The following TBC1D1 variants were observed in gnomAD, a reference collection of about 807,000 sequenced individuals.
TBC1D1 encodes TBC1 (tre-2/USP6, BUB2, cdc16) domain family, member 1.
TBC1D1 carries 89 observed loss-of-function variants against 125.6 expected under a neutral mutation model. The ratio of observed to expected loss-of-function variants is 0.71; its 90% CI spans 0.60 to 0.85. The LOEUF (loss-of-function observed/expected upper bound fraction) is 0.85, where lower values mean the gene tolerates loss of function less well. Ranked by LOEUF, TBC1D1 falls within the 40% of genes least tolerant of loss-of-function variation. TBC1D1 has a pLI of 0.00. For synonymous variants in TBC1D1, 565 were observed against 564.1 expected (o/e 1.00, Z -0.02); for missense variants, 1,377 against 1,469.2 (o/e 0.94, Z 1.03).
Position 38,095,988 on chromosome 4 carries a change from TG to T in TBC1D1, c.2297del (p.Cys766PhefsTer5). ...GCTCGATTATGAAGAAATTACTCCC[TG>T]TCTTAAAGAAGTAACTACAGTGTGG... On this transcript the variant is annotated frameshift_variant, in exon 14 of 20. Coordinates refer to ENST00000261439, the MANE Select transcript of TBC1D1 (RefSeq NM_015173.4). LOFTEE classifies it high-confidence loss of function. The T allele has an allele frequency of 6.2e-7, 1 of 1,614,072 alleles. No homozygotes were observed. The highest frequency in any genetic ancestry group is 8.5e-7 in the Non-Finnish European group (1 of 1,179,962).
chr4:38,055,812 A>G (rs575876322), intron 12 of TBC1D1, among the ~76,000 whole-genome samples: 2 of 152,258 alleles, frequency 1.3e-5, no homozygotes, highest in South Asian at 4.1e-4. Flanking sequence ...CAGGTCCTGT[A>G]GCACCCTGTT....
intron 12 of TBC1D1, among the ~76,000 whole-genome samples, chr4:38,064,838 T>A (rs1056900519): frequency 6.6e-6 from 1 of 151,932 alleles, no homozygotes; most frequent in Non-Finnish European, 1.5e-5. Context: ...TTGACCAGGA[T>A]GGTCTTCATC....
chr4:38,065,791 G>A (rs1359369259), intron 12 of TBC1D1, among the ~76,000 whole-genome samples: 5 of 152,012 alleles, frequency 3.3e-5, no homozygotes, highest in Admixed American at 1.3e-4. Context: ...GATTACAGGC[G>A]CCTGCCACCA....
In TBC1D1 at chr4:37,902,249, A is replaced by C. The variant is rs1489222747; in HGVS notation, c.154A>C (p.Arg52=). ...TGTGGCTGAGGTGCGAAGACTCAGC[A>C]GGCAGTCCACCAGAAAGGAACCTGT... The change falls in exon 2 of 20, where the codon AGG becomes CGG. Residue 52 remains arginine, a synonymous_variant. Coordinates refer to ENST00000261439, the MANE Select transcript of TBC1D1 (RefSeq NM_015173.4). 2 of 1,614,132 alleles carry C rather than the reference A, an allele frequency of 1.2e-6. No homozygotes were observed. Among genetic ancestry groups the C allele is most frequent in the Non-Finnish European group, 1.7e-6 (2 of 1,180,020 alleles).
chr4:38,081,145 C>T (rs959959817), intron 12 of TBC1D1, among the ~76,000 whole-genome samples: 1 of 152,138 alleles, frequency 6.6e-6, no homozygotes, highest in Non-Finnish European at 1.5e-5. Context: ...ACCTCTTTGA[C>T]TTCTCTCCTT....
At position 38,086,920 on chromosome 4, in the gene TBC1D1, C is replaced by CT. The variant is rs146867362; in HGVS notation, c.2051-3004dup. 3.8e-3 allele frequency among the ~76,000 whole-genome samples: 574 copies of CT among 152,098 alleles called. 18 individuals carry two copies. The East Asian group carries it at 0.062, about 17-fold the overall frequency. On this transcript the variant is annotated intron_variant, in intron 12 of 19. Transcript: ENST00000261439. ...TTAGAGAAGCACGGGGTAAACTCTTCTTTTTTTTACTTTGGAGGAAAATAC... is the reference window on the plus strand; with the variant it reads ...TTAGAGAAGCACGGGGTAAACTCTTCTTTTTTTTTACTTTGGAGGAAAATAC...
intron 12 of TBC1D1, among the ~76,000 whole-genome samples, chr4:38,076,450 G>A (rs541953956): frequency 6.6e-6 from 1 of 152,248 alleles, no homozygotes; most frequent in East Asian, 1.9e-4. Context: ...CTTTATGTGA[G>A]ACTGGGGTCA....
chr4:37,966,750 C>T (rs1328396773), intron 2 of TBC1D1, among the ~76,000 whole-genome samples: 4 of 152,180 alleles, frequency 2.6e-5, no homozygotes, highest in Non-Finnish European at 4.4e-5. Context: ...TCTCCTAATG[C>T]TATCCCTCCT....
chr4:38,017,456 A>C (rs2152431399), intron 3 of TBC1D1, among the ~76,000 whole-genome samples: 1 of 152,360 alleles, frequency 6.6e-6, no homozygotes, highest in East Asian at 1.9e-4. Flanking sequence ...CAGAAACAGT[A>C]AGTGTGCAAA....
At chr4:37,919,909 G>C (rs1405948755) in intron 2 of TBC1D1, among the ~76,000 whole-genome samples, 2 of 152,086 alleles carry the variant, frequency 1.3e-5, no homozygotes, top group Non-Finnish European at 2.9e-5. Flanking sequence ...TCAGGAGATC[G>C]AGACCATCCT....
At chr4:38,010,760 CTCTCAGCCTTCA>C (rs1196623453) in intron 2 of TBC1D1, among the ~76,000 whole-genome samples, 1 of 152,154 alleles carries the variant, frequency 6.6e-6, no homozygotes, top group Non-Finnish European at 1.5e-5. Flanking sequence ...CTCAGCCTTC[CTCTCAGCCTTCA>C]GTGCTTAGTT....
intron 8 of TBC1D1, among the ~76,000 whole-genome samples, 167 bp from the exon 9 acceptor site, chr4:38,044,195 T>G (rs1339156486): frequency 6.6e-6 from 1 of 152,228 alleles, no homozygotes; most frequent in Non-Finnish European, 1.5e-5. Flanking sequence ...TGAGGCAAAA[T>G]TATTTCCTGG....
intron 2 of TBC1D1, among the ~76,000 whole-genome samples, chr4:37,939,123 C>T (rs1411463788): frequency 1.3e-5 from 2 of 152,212 alleles, no homozygotes; most frequent in Non-Finnish European, 2.9e-5. Flanking sequence ...AATGGTTGAA[C>T]TAGTTTACAG....
At chr4:38,049,355 G>A (rs139541051) in intron 10 of TBC1D1, among the ~76,000 whole-genome samples, 1 of 152,288 alleles carries the variant, frequency 6.6e-6, no homozygotes, top group African/African-American at 2.4e-5. Context: ...TGTTCAGAAC[G>A]TTACAGATTG....
intron 15 of TBC1D1, among the ~76,000 whole-genome samples, chr4:38,104,044 CAG>C (rs1379322520): frequency 6.6e-6 from 1 of 150,986 alleles, no homozygotes; most frequent in Non-Finnish European, 1.5e-5. Context: ...CCTATAGTCC[CAG>C]CTACGCAGGA....
chr4:38,035,544 T>A, intron 7 of TBC1D1, 44 bp from the exon 8 acceptor site: 1 of 1,515,812 alleles, frequency 6.6e-7, no homozygotes, highest in South Asian at 1.1e-5. Context: ...AGCAATATTG[T>A]TGACGATTAA....
intron 2 of TBC1D1, among the ~76,000 whole-genome samples, chr4:37,914,220 C>T (rs548500180): frequency 5.9e-5 from 9 of 152,262 alleles, no homozygotes; most frequent in African/African-American, 1.4e-4. Flanking sequence ...TCAGACTCTT[C>T]GAAGAGCTCC....
intron 2 of TBC1D1, among the ~76,000 whole-genome samples, chr4:37,979,666 C>G (rs1351312599): frequency 6.6e-6 from 1 of 152,228 alleles, no homozygotes; most frequent in African/African-American, 2.4e-5. Context: ...ACGCAGCTGA[C>G]TTTCCTTTTC....
rs1326577228 is a variant in TBC1D1 at position 38,054,288 on chromosome 4, TC to T, written c.2002del (p.Arg668GlufsTer2). On this transcript the variant is annotated frameshift_variant, in exon 12 of 20. Coordinates refer to ENST00000261439, the MANE Select transcript of TBC1D1 (RefSeq NM_015173.4). LOFTEE classifies it high-confidence loss of function. ...CATTCCTGGAGGCAGCAGATATTCC[TC>T]CGAGTAGCCACCCCGCAGAAGGCGT... 1 of 1,614,092 alleles carries T rather than the reference TC, an allele frequency of 6.2e-7. No homozygotes were observed. The highest frequency in any genetic ancestry group is 8.5e-7 in the Non-Finnish European group (1 of 1,180,034).
Sources: gnomAD v4.1 joint callset for allele counts (sites outside exome capture counted in the v4.1 genomes callset) on GRCh38, gnomAD v4.1.1 for gene constraint, MANE v1.5 for transcripts, NCBI Gene and HGNC (gene_info 2026-07-23, HGNC 2026-07-21) for gene names.